The following TP53I13 variants were observed in gnomAD, a reference collection of about 807,000 sequenced individuals.
TP53I13 encodes tumor protein p53 inducible protein 13.
TP53I13 carries 27 observed loss-of-function variants against 39.1 expected under a neutral mutation model. That is an observed-to-expected ratio of 0.69 (90% CI 0.51 to 0.95). TP53I13 has a LOEUF of 0.95. TP53I13 is among the 40% of genes least tolerant of loss of function. The pLI is 0.00. For synonymous variants in TP53I13, 230 were observed against 224.6 expected, an observed-to-expected ratio of 1.02 and a Z score of -0.22; for missense variants, 544 against 520.4, an observed-to-expected ratio of 1.05 and a Z score of -0.44.
chr17:29,571,423 G>GGGTA (rs1398609114), intron 3 of TP53I13, 168 bp from the exon 4 acceptor site: 4 of 799,120 alleles, frequency 5.0e-6, no homozygotes, highest in Non-Finnish European at 7.7e-6. Context: ...AGGCAAGAGT[G>GGGTA]GGTACATGCC....
upstream of TP53I13, chr17:29,566,366 G>C (rs1212985992): frequency 2.5e-6 from 4 of 1,610,810 alleles, no homozygotes; most frequent in South Asian, 4.4e-5. Flanking sequence ...GGGCTGACCA[G>C]TGGGCAACCG....
chr17:29,577,792 G>A (rs780208811), downstream of TP53I13: 3 of 1,116,240 alleles, frequency 2.7e-6, no homozygotes, highest in South Asian at 1.2e-5. Flanking sequence ...AGGCCCCCAA[G>A]GTGGGGGTGG....
At chr17:29,577,204 G>T, downstream of TP53I13, 1 of 1,613,968 alleles carries the variant, frequency 6.2e-7, no homozygotes, top group Non-Finnish European at 8.5e-7. Flanking sequence ...GATGATCAAG[G>T]TGGCAAACTC....
chr17:29,569,086 G>T lies in TP53I13; in HGVS notation c.141G>T (p.Gln47His). Residue 47 changes from glutamine (Q) to histidine (H), a missense_variant and splice_region_variant, in exon 2 of 7, where the codon CAG (glutamine) becomes CAT (histidine). Physicochemically the swap from Gln to His is conservative, Grantham distance 24. Transcript: ENST00000301057. ...AGAGCCTGTGGCCTCTGCCTCCGCA[G>T]GTAGGAGCCCTGGAGGGCCCAGGGA... is the stretch of plus-strand genomic sequence containing the variant. ...CPESLWPLPP[Q>H]VSPRVTYTRV... The T allele has an allele frequency of 6.3e-7, 1 of 1,592,798 alleles. No individual in the cohort carries two copies. Among genetic ancestry groups the T allele is most frequent in the Non-Finnish European group, 8.5e-7 (1 of 1,170,090 alleles).
downstream of TP53I13, chr17:29,573,546 G>A (rs1323472554): frequency 3.3e-5 from 5 of 152,630 alleles, 1 homozygote; most frequent in Admixed American, 3.3e-4. Context: ...CACCACACAG[G>A]TAGGGCCTGG....
downstream of TP53I13, among the ~76,000 whole-genome samples, chr17:29,578,019 G>A (rs1441120697): frequency 6.6e-6 from 1 of 152,208 alleles, no homozygotes; most frequent in Non-Finnish European, 1.5e-5. Context: ...GTGATGCAGG[G>A]GGGTGGAGCG....
chr17:29,578,666 GC>G, the TP53I13 span: 1 of 1,384,992 alleles, frequency 7.2e-7, no homozygotes, highest in Non-Finnish European at 1.0e-6. Flanking sequence ...GGAAGCAAGA[GC>G]AGAGGGTGGG....
chr17:29,571,608 C>T lies in TP53I13; in HGVS notation c.201C>T (p.Phe67=). ...TCCTCCAGGCTGAGGATGTCACCTTCCTCTACCACCCCTGTGCCCATCCCT... is the reference window on the plus strand; with the variant it reads ...TCCTCCAGGCTGAGGATGTCACCTTTCTCTACCACCCCTGTGCCCATCCCT... ...VSPGQAEDVT[F]LYHPCAHPWL... is the part of the protein sequence containing the mutation. Residue 67 remains phenylalanine, a synonymous_variant, in exon 4 of 7, where the codon TTC becomes TTT. Transcript: ENST00000301057. 1 of 1,614,094 alleles carries T rather than the reference C, an allele frequency of 6.2e-7. No homozygotes were observed. The highest frequency in any genetic ancestry group is 2.2e-5 in the East Asian group (1 of 44,892).
chr17:29,569,153 G>A, intron 2 of TP53I13, 67 bp downstream of exon 2: 1 of 1,520,452 alleles, frequency 6.6e-7, no homozygotes, highest in Non-Finnish European at 8.9e-7. Flanking sequence ...CTCTGTTCTC[G>A]CCGCACCCTC....
downstream of TP53I13, chr17:29,575,885 A>G: frequency 6.2e-7 from 1 of 1,608,448 alleles, no homozygotes; most frequent in Non-Finnish European, 8.5e-7. The surrounding 1 kb of genome is among the most constrained non-coding windows in gnomAD (Gnocchi z 5.5). Context: ...TGAGGCAGAC[A>G]CCCCTTTCCG....
chr17:29,569,161 C>A, intron 2 of TP53I13, 75 bp downstream of exon 2: 1 of 1,506,994 alleles, frequency 6.6e-7, no homozygotes, highest in Admixed American at 2.0e-5. Flanking sequence ...TCGCCGCACC[C>A]TCCACAGTCA....
At chr17:29,578,426 G>A in the TP53I13 span, 31 of 1,503,496 alleles carry the variant, frequency 2.1e-5, no homozygotes, top group Non-Finnish European at 2.7e-5. Flanking sequence ...CCAGTGCCAA[G>A]GCCAGCTCCC....
chr17:29,569,114 G>A, intron 2 of TP53I13, 28 bp downstream of exon 2: 11 of 1,571,112 alleles, frequency 7.0e-6, no homozygotes, highest in African/African-American at 1.3e-5. Flanking sequence ...CCCAGGGAGA[G>A]AGGGATGTGA....
At chr17:29,574,980 T>C (rs751987502), downstream of TP53I13, 4 of 1,490,480 alleles carry the variant, frequency 2.7e-6, no homozygotes, top group African/African-American at 5.6e-5. Flanking sequence ...AGGGCCCAGT[T>C]TGTCTGTGTC....
At chr17:29,571,747 T>C (rs567576239) in intron 4 of TP53I13, 28 bp downstream of exon 4, 332 of 1,613,966 alleles carry the variant, frequency 2.1e-4, no homozygotes, top group South Asian at 1.9e-3. Context: ...GGCGCTTGCC[T>C]GGCCCTGGCA....
the TP53I13 span, chr17:29,578,249 C>T: frequency 3.4e-6 from 5 of 1,458,838 alleles, no homozygotes; most frequent in South Asian, 5.7e-5. Flanking sequence ...GAGACCCATG[C>T]CTGGGCCGCT....
downstream of TP53I13, chr17:29,574,453 A>AGG: frequency 1.8e-6 from 1 of 543,086 alleles, no homozygotes; most frequent in Non-Finnish European, 3.3e-6. Flanking sequence ...GCTCACTAGG[A>AGG]GGGGGGAGAT....
chr17:29,566,376 G>A (rs775785487), upstream of TP53I13: 1 of 1,610,858 alleles, frequency 6.2e-7, no homozygotes, highest in African/African-American at 1.3e-5. Context: ...GTGGGCAACC[G>A]TGGTGGCCGC....
chr17:29,576,059 A>C, downstream of TP53I13: 1 of 1,612,592 alleles, frequency 6.2e-7, no homozygotes, highest in East Asian at 2.2e-5. Flanking sequence ...TAAGATGGAC[A>C]CGCCTTCCCC....
Sources: gnomAD v4.1 joint callset for allele counts (sites outside exome capture counted in the v4.1 genomes callset) on GRCh38, gnomAD v4.1.1 for gene constraint, Gnocchi (gnomAD v3.1) non-coding constraint, MANE v1.5 for transcripts, NCBI Gene and HGNC (gene_info 2026-07-23, HGNC 2026-07-21) for gene names.